NSUN7: variants seen among roughly 807,000 people sequenced by gnomAD.
NSUN7 encodes the protein protein NSUN7.
A neutral mutation model predicts 58.5 loss-of-function variants in NSUN7; 39 were observed. The ratio of observed to expected loss-of-function variants is 0.67; its 90% confidence interval spans 0.52 to 0.87. The LOEUF is 0.87. NSUN7 is among the 40% of genes least tolerant of loss of function. The probability of loss-of-function intolerance (pLI) is 0.00; values close to 1 mark genes in which losing one functional copy is unlikely to be tolerated. For missense variants in NSUN7, 765 were observed against 844.1 expected (o/e 0.91, Z 1.16); for synonymous variants, 278 against 303.7 (o/e 0.92, Z 0.88).
At position 40,776,091 on chromosome 4, in the gene NSUN7, T is replaced by C. The variant is rs1742248545; in HGVS notation, c.868T>C (p.Leu290=). ...TGCTGTCCATTCTGTAAAGGCTTTATTAAATATGGATGATGATGTCTTAAT... is the reference window on the plus strand; with the variant it reads ...TGCTGTCCATTCTGTAAAGGCTTTACTAAATATGGATGATGATGTCTTAAT... ...SLAVHSVKAL[L]NMDDDVLMVN... Residue 290 remains leucine (L), a synonymous_variant, in exon 7 of 12, where the codon TTA becomes CTA. Transcript: ENST00000381782. The C allele has an allele frequency of 1.9e-6, 3 of 1,610,064 alleles. No individual in the cohort carries two copies. The highest frequency in any genetic ancestry group is 2.5e-6 in the Non-Finnish European group (3 of 1,177,808).
chr4:40,793,234 G>C (rs756924736), intron 8 of NSUN7, among the ~76,000 whole-genome samples: 2 of 152,112 alleles, frequency 1.3e-5, no homozygotes, highest in Non-Finnish European at 2.9e-5. Flanking sequence ...TTGAGGCCAG[G>C]AGTTCGAGTT....
chr4:40,751,988 C>G (rs1472853526), intron 2 of NSUN7, among the ~76,000 whole-genome samples: 1 of 152,154 alleles, frequency 6.6e-6, no homozygotes, highest in Non-Finnish European at 1.5e-5. Context: ...GAGCAAGACC[C>G]TGTGGAATTG....
intron 4 of NSUN7, among the ~76,000 whole-genome samples, chr4:40,761,998 A>G (rs1242982661): frequency 6.6e-6 from 1 of 152,228 alleles, no homozygotes; most frequent in Non-Finnish European, 1.5e-5. Flanking sequence ...TTGGGGCCTA[A>G]TGAGAAGTGT....
chr4:40,768,568 A>G (rs1577553771), intron 4 of NSUN7, among the ~76,000 whole-genome samples: 1 of 152,172 alleles, frequency 6.6e-6, no homozygotes, highest in African/African-American at 2.4e-5. Flanking sequence ...TCCTCCTTGT[A>G]AAAGTGGTTT....
chr4:40,753,973 CCT>C (rs1234129622), intron 2 of NSUN7, among the ~76,000 whole-genome samples: 3 of 152,224 alleles, frequency 2.0e-5, no homozygotes, highest in Admixed American at 6.5e-5. Context: ...GTCCATTAAA[CCT>C]CTGTCTTTTG....
chr4:40,773,357 A>C (rs1742101399), intron 4 of NSUN7: 1 of 152,156 alleles, frequency 6.6e-6, no homozygotes, highest in African/African-American at 2.4e-5. Flanking sequence ...AGTTTGTCTG[A>C]CTCTAAATCC....
intron 2 of NSUN7, among the ~76,000 whole-genome samples, chr4:40,758,817 G>A (rs369673127): frequency 2.0e-5 from 3 of 152,054 alleles, no homozygotes; most frequent in African/African-American, 4.8e-5. Context: ...CCCAGGAGGT[G>A]GAGGTTGCAG....
chr4:40,792,983 T>C (rs563262656), intron 8 of NSUN7, among the ~76,000 whole-genome samples: 1 of 152,280 alleles, frequency 6.6e-6, no homozygotes, highest in East Asian at 1.9e-4. Flanking sequence ...CATTTTAACA[T>C]CGAAAAATAT....
At chr4:40,772,480 A>T (rs1408402247) in intron 4 of NSUN7, among the ~76,000 whole-genome samples, 1 of 152,146 alleles carries the variant, frequency 6.6e-6, no homozygotes, top group Non-Finnish European at 1.5e-5. Flanking sequence ...ATCTAATTTT[A>T]TTGTAGTCCC....
intron 2 of NSUN7, among the ~76,000 whole-genome samples, chr4:40,756,144 C>T (rs1167028880): frequency 2.6e-5 from 4 of 152,172 alleles, no homozygotes; most frequent in African/African-American, 4.8e-5. Flanking sequence ...GAGGTTATCT[C>T]CTAGGAACCA....
chr4:40,751,075 C>A (rs970958005), intron 2 of NSUN7, 84 bp downstream of exon 2: 1 of 1,468,620 alleles, frequency 6.8e-7, no homozygotes, highest in African/African-American at 1.4e-5. Flanking sequence ...CTCCTCCCTT[C>A]CCCTCATTCA....
chr4:40,786,278 CTG>C, intron 7 of NSUN7: 5 of 1,613,666 alleles, frequency 3.1e-6, no homozygotes, highest in East Asian at 2.2e-5. Flanking sequence ...GGATTTAACA[CTG>C]AGAAAATTAA....
At chr4:40,763,478 C>G (rs755030875) in intron 4 of NSUN7, among the ~76,000 whole-genome samples, 2 of 152,066 alleles carry the variant, frequency 1.3e-5, no homozygotes, top group Admixed American at 1.3e-4. Context: ...TTGACATAGT[C>G]AGGATTTAGG....
Position 40,798,866 on chromosome 4 carries a change from G to A in NSUN7, c.1362G>A (p.Leu454=). 6.2e-7 allele frequency: 1 copy of A among 1,610,942 alleles called. No homozygotes were observed. The highest frequency in any genetic ancestry group is 1.1e-5 in the South Asian group (1 of 90,878). ...ATGAAGCTGTTGTTAAGAAAGCACT[G>A]GAATTTCAAGACCTTGGGAATAAAG... The part of the protein sequence containing the change: ...EENEAVVKKA[L]EFQDLGNKGQ... The change falls in exon 10 of 12, where the codon CTG becomes CTA. Residue 454 remains leucine (L), a synonymous_variant. Coordinates refer to ENST00000381782, the MANE Select transcript of NSUN7 (RefSeq NM_024677.6).
chr4:40,780,204 C>A (rs767417878), intron 7 of NSUN7, among the ~76,000 whole-genome samples: 8 of 152,218 alleles, frequency 5.3e-5, no homozygotes, highest in Admixed American at 6.5e-5. Flanking sequence ...CACTTGAACC[C>A]CAGACGCAGA....
chr4:40,783,679 C>A (rs1742679401), intron 7 of NSUN7, among the ~76,000 whole-genome samples: 1 of 151,982 alleles, frequency 6.6e-6, no homozygotes, highest in Admixed American at 6.6e-5. Flanking sequence ...GAAACCCTGT[C>A]TCTACTAAAA....
intron 10 of NSUN7, among the ~76,000 whole-genome samples, chr4:40,801,364 AAC>A (rs1231837967): frequency 1.3e-5 from 2 of 152,228 alleles, no homozygotes; most frequent in African/African-American, 4.8e-5. Context: ...TGAATATATT[AAC>A]ACACGAGCAG....
chr4:40,790,614 T>G lies in NSUN7; in HGVS notation c.1049T>G (p.Leu350Arg). Residue 350 changes from leucine to arginine, a missense_variant, in exon 8 of 12, where the codon CTT becomes CGT. Coordinates refer to ENST00000381782, the MANE Select transcript of NSUN7 (RefSeq NM_024677.6). ...TKIGCKNIEI[L>R]HEKFINIESK... ...GTTTTTTCCCCAGATATTGAAATAC[T>G]TCATGAGAAATTTATTAACATTGAA... The G allele has an allele frequency of 3.2e-6, 5 of 1,554,584 alleles. No homozygotes were observed. The highest frequency in any genetic ancestry group is 3.5e-6 in the Non-Finnish European group (4 of 1,145,280).
intron 4 of NSUN7, among the ~76,000 whole-genome samples, chr4:40,771,373 C>T (rs957487720): frequency 6.6e-6 from 1 of 152,196 alleles, no homozygotes; most frequent in African/African-American, 2.4e-5. Flanking sequence ...TGGCTTGACT[C>T]TCTCTTTCTA....
Sources: gnomAD v4.1 joint callset for allele counts (sites outside exome capture counted in the v4.1 genomes callset) on GRCh38, gnomAD v4.1.1 for gene constraint, MANE v1.5 for transcripts, NCBI Gene and HGNC (gene_info 2026-07-23, HGNC 2026-07-21) for gene names.